Variants in ETV1 observed in about 807,000 individuals in gnomAD.
ETV1 encodes ETS variant transcription factor 1.
In ETV1, 27 loss-of-function variants were observed where a neutral mutation model predicts 62.3. The ratio of observed to expected loss-of-function variants is 0.43; its 90% CI spans 0.32 to 0.60. The LOEUF is 0.60. Among genes scored for constraint, ETV1 ranks in the 20% least tolerant of loss-of-function variants. The probability of loss-of-function intolerance (pLI) is 0.06; values close to 1 mark genes in which losing one functional copy is unlikely to be tolerated. For synonymous variants in ETV1, 222 were observed against 199.6 expected (o/e 1.11, Z -0.94); for missense variants, 605 against 605.8 (o/e 1.00, Z 0.01).
At chr7:13,947,425 T>C (rs1372928769) in intron 6 of ETV1, among the ~76,000 whole-genome samples, 1 of 140,798 alleles carries the variant, frequency 7.1e-6, no homozygotes, top group African/African-American at 2.6e-5. Context: ...CAAACACACA[T>C]AATATTTAAC....
At chr7:13,988,930 T>G in intron 3 of ETV1, 78 bp downstream of exon 3, 103 of 919,934 alleles carry the variant, frequency 1.1e-4, no homozygotes, top group Non-Finnish European at 1.4e-4. Context: ...CCGTGCCCCC[T>G]CCCTTCTCAT....
chr7:13,939,097 C>T lies in ETV1; in HGVS notation c.365+20G>A, dbSNP rs377396157. On this transcript the variant is annotated intron_variant, in intron 7 of 13. Coordinates refer to ENST00000430479, the MANE Select transcript of ETV1 (RefSeq NM_004956.5). Reference sequence around the variant, plus strand: ...TCAATAAGAACCACTATCCTACATACATACACCTGGTGGCTTTACCTGACA... The same window carrying T: ...TCAATAAGAACCACTATCCTACATATATACACCTGGTGGCTTTACCTGACA... The T allele has an allele frequency of 1.4e-5, 23 of 1,609,302 alleles. No homozygotes were observed. The highest frequency in any genetic ancestry group is 2.2e-5 in the East Asian group (1 of 44,798).
chr7:13,942,396 G>C (rs1314662856), intron 6 of ETV1, among the ~76,000 whole-genome samples: 1 of 152,018 alleles, frequency 6.6e-6, no homozygotes, highest in Non-Finnish European at 1.5e-5. Context: ...GTATTTCCAA[G>C]TTTTGTTTTG....
intron 6 of ETV1, among the ~76,000 whole-genome samples, chr7:13,963,145 C>T (rs1790385950): frequency 6.6e-6 from 1 of 152,096 alleles, no homozygotes; most frequent in South Asian, 2.1e-4. Flanking sequence ...AAATGAGATA[C>T]AGGATGTGAA....
chr7:13,976,294 A>C (rs1781445153), intron 6 of ETV1, among the ~76,000 whole-genome samples: 1 of 152,234 alleles, frequency 6.6e-6, no homozygotes, highest in Non-Finnish European at 1.5e-5. Flanking sequence ...ATAGTGGTGA[A>C]GGTTGTACAA....
chr7:13,968,565 A>G (rs1401526168), intron 6 of ETV1, among the ~76,000 whole-genome samples: 1 of 151,234 alleles, frequency 6.6e-6, no homozygotes, highest in East Asian at 2.0e-4. Flanking sequence ...ACTTACAGTG[A>G]GAAAATTATA....
chr7:13,951,587 A>T (rs991739591), intron 6 of ETV1, among the ~76,000 whole-genome samples: 4 of 152,176 alleles, frequency 2.6e-5, no homozygotes, highest in Non-Finnish European at 5.9e-5. Flanking sequence ...GAACATATAG[A>T]TGACCCGGTC....
At chr7:13,950,389 C>G (rs1583762720) in intron 6 of ETV1, among the ~76,000 whole-genome samples, 1 of 151,970 alleles carries the variant, frequency 6.6e-6, no homozygotes, top group African/African-American at 2.4e-5. Flanking sequence ...AGAGAGAGAT[C>G]CCAAACTCCT....
intron 6 of ETV1, among the ~76,000 whole-genome samples, chr7:13,955,051 G>A (rs1358053112): frequency 6.6e-6 from 1 of 152,132 alleles, no homozygotes; most frequent in Non-Finnish European, 1.5e-5. Context: ...TCTGTCACCT[G>A]GTCTCAATTG....
intron 6 of ETV1, among the ~76,000 whole-genome samples, chr7:13,952,586 G>A (rs1372390857): frequency 6.6e-6 from 1 of 152,060 alleles, no homozygotes; most frequent in South Asian, 2.1e-4. Context: ...TTAGAAAGAG[G>A]TACATGTAAT....
chr7:13,932,984 G>A (rs970136943), intron 8 of ETV1, among the ~76,000 whole-genome samples: 2 of 152,186 alleles, frequency 1.3e-5, no homozygotes, highest in African/African-American at 4.8e-5. Flanking sequence ...ACCTACACCT[G>A]CAGAAAATAA....
upstream of ETV1, chr7:13,989,685 G>A (rs972220503): frequency 5.0e-6 from 2 of 398,600 alleles, no homozygotes; most frequent in Admixed American, 4.4e-5. Context: ...TCAATTCGGT[G>A]GTTTTTCCTC....
At chr7:13,942,265 C>T (rs987949428) in intron 6 of ETV1, among the ~76,000 whole-genome samples, 4 of 152,030 alleles carry the variant, frequency 2.6e-5, no homozygotes, top group East Asian at 1.9e-4. Flanking sequence ...CCTCGTGATC[C>T]GCCTGCCTCG....
chr7:13,938,008 C>T lies in ETV1; in HGVS notation c.365+1109G>A, dbSNP rs181008644. On this transcript the variant is annotated intron_variant, in intron 7 of 13. Coordinates refer to ENST00000430479, the MANE Select transcript of ETV1 (RefSeq NM_004956.5). ...TTGCCCAGGCTGGAGTGCAATGGCG[C>T]GATCTCGGCTCACAGCAACCTCCAC... Among the ~76,000 whole-genome samples the T allele has an allele frequency of 6.2e-4, 95 of 152,288 alleles. 2 individuals carry two copies. In the East Asian group the frequency reaches 0.018, roughly 29 times the overall value.
chr7:13,909,734 T>C (rs905484143), intron 10 of ETV1, 34 bp from the exon 11 acceptor site: 4 of 1,537,668 alleles, frequency 2.6e-6, no homozygotes, highest in African/African-American at 1.4e-5. Flanking sequence ...TTATTCATGA[T>C]AGAAATGAAG....
intron 6 of ETV1, among the ~76,000 whole-genome samples, chr7:13,946,992 T>C (rs1030336402): frequency 1.3e-5 from 2 of 152,164 alleles, no homozygotes; most frequent in South Asian, 2.1e-4. Context: ...GGTTTCACCA[T>C]GTTGGCCAGG....
intron 9 of ETV1, among the ~76,000 whole-genome samples, chr7:13,916,410 G>A (rs1045816143): frequency 3.9e-5 from 6 of 152,108 alleles, no homozygotes; most frequent in African/African-American, 1.4e-4. Flanking sequence ...GGCCAAGGTG[G>A]GCGGATCGCC....
intron 7 of ETV1, among the ~76,000 whole-genome samples, chr7:13,936,552 T>C (rs1409520425): frequency 1.3e-5 from 2 of 152,344 alleles, no homozygotes; most frequent in East Asian, 3.9e-4. Flanking sequence ...AATCCTATTA[T>C]AGTCTAACTT....
chr7:13,922,002 T>C (rs1434389432), intron 9 of ETV1, among the ~76,000 whole-genome samples: 1 of 152,146 alleles, frequency 6.6e-6, no homozygotes, highest in South Asian at 2.1e-4. Flanking sequence ...TTTAAAATAA[T>C]TGTAATATGT....
Sources: gnomAD v4.1 joint callset for allele counts (sites outside exome capture counted in the v4.1 genomes callset) on GRCh38, gnomAD v4.1.1 for gene constraint, MANE v1.5 for transcripts, NCBI Gene and HGNC (gene_info 2026-07-23, HGNC 2026-07-21) for gene names.